SH3KBP1: variants seen among roughly 807,000 people sequenced by gnomAD.
The protein encoded by SH3KBP1 is SH3 domain-containing kinase-binding protein 1.
A neutral mutation model predicts 50.1 loss-of-function variants in SH3KBP1; 8 were observed. The ratio of observed to expected loss-of-function variants is 0.16; its 90% CI spans 0.09 to 0.29. The LOEUF (loss-of-function observed/expected upper bound fraction) is 0.29. SH3KBP1 is among the 10% of genes least tolerant of loss of function. SH3KBP1 has a pLI of 1.00. For missense variants in SH3KBP1, 377 were observed against 535.2 expected (o/e 0.70, Z 2.92); for synonymous variants, 227 against 218.6 (o/e 1.04, Z -0.34).
intron 4 of SH3KBP1, among the ~76,000 whole-genome samples, chrX:19,703,840 A>G (rs753428631): frequency 9.1e-6 from 1 of 109,656 alleles, no homozygotes; most frequent in African/African-American, 3.3e-5. Context: ...GTTATATTTT[A>G]TTAATAGATT....
chrX:19,768,852 G>A (rs2065695804), intron 2 of SH3KBP1, among the ~76,000 whole-genome samples: 1 of 108,939 alleles, frequency 9.2e-6, no homozygotes, highest in Non-Finnish European at 1.9e-5. Context: ...AGGCATTCAG[G>A]TTGAAAAGAC....
Position 19,534,969 on chromosome X carries a change from A to C in SH3KBP1, c.*1448T>G. On this transcript the variant is annotated 3_prime_UTR_variant, in exon 18 of 18. Transcript: ENST00000397821. ...ACTCTCATTCTTTGTGGCTGTGCAA[A>C]TCTATTAATGTTTAGTAGTTTCACT... 3.4e-6 allele frequency: 1 copy of C among 297,357 alleles called. No homozygotes were observed. The highest frequency in any genetic ancestry group is 5.9e-6 in the Non-Finnish European group (1 of 170,316). The allele number at this position is 297,357 out of a possible 1,213,427, so 24.5% of individuals were successfully genotyped here.
At chrX:19,724,389 T>G (rs1386209031) in intron 3 of SH3KBP1, among the ~76,000 whole-genome samples, 1 of 112,448 alleles carries the variant, frequency 8.9e-6, no homozygotes, top group African/African-American at 3.2e-5. Flanking sequence ...TATTATAAAA[T>G]TTTCTATATA....
Position 19,574,569 on chromosome X carries a change from G to A in SH3KBP1, c.1299-5381C>T, listed in dbSNP as rs755328691. Among the ~76,000 whole-genome samples, 127 of 112,448 alleles carry A rather than the reference G, an allele frequency of 1.1e-3. 1 individual carries two copies. Among genetic ancestry groups the A allele is most frequent in the African/African-American group, 3.8e-3 (116 of 30,924 alleles). On this transcript the variant is annotated intron_variant, in intron 12 of 17. Transcript: ENST00000397821. ...AGCTTCCTTCTCGCTGTGCCCTCAC[G>A]TGGTGGAAGGGAGAGGGGTTTCTTT...
intron 12 of SH3KBP1, among the ~76,000 whole-genome samples, chrX:19,587,517 T>C (rs1402072611): frequency 8.9e-6 from 1 of 112,396 alleles, no homozygotes; most frequent in Non-Finnish European, 1.9e-5. Context: ...TTAAAACTTG[T>C]CTTTAAGAGA....
intron 2 of SH3KBP1, among the ~76,000 whole-genome samples, chrX:19,782,727 G>C (rs919540927): frequency 1.8e-5 from 2 of 111,965 alleles, no homozygotes; most frequent in African/African-American, 6.5e-5. Flanking sequence ...TTTTCAGACA[G>C]ACCTCAGCTC....
chrX:19,707,706 C>G (rs1239079095), intron 3 of SH3KBP1, among the ~76,000 whole-genome samples: 1 of 112,341 alleles, frequency 8.9e-6, no homozygotes, highest in Non-Finnish European at 1.9e-5. Context: ...TCTCACTCAC[C>G]CAGCATGTCC....
chrX:19,596,990 C>T (rs2033963526), intron 9 of SH3KBP1, among the ~76,000 whole-genome samples: 1 of 111,854 alleles, frequency 8.9e-6, no homozygotes, highest in Admixed American at 9.5e-5. Context: ...TGACCTCCTC[C>T]CATGAATCAA....
intron 12 of SH3KBP1, among the ~76,000 whole-genome samples, chrX:19,572,453 T>C (rs2066066024): frequency 9.3e-6 from 1 of 107,354 alleles, no homozygotes; most frequent in Non-Finnish European, 1.9e-5. Flanking sequence ...GTACATGTTA[T>C]ATATAGTACA....
chrX:19,800,467 G>A (rs755898186), intron 2 of SH3KBP1, among the ~76,000 whole-genome samples: 1 of 111,524 alleles, frequency 9.0e-6, no homozygotes, highest in Non-Finnish European at 1.9e-5. Context: ...AGATTCCAAG[G>A]GACTAAGTTA....
intron 2 of SH3KBP1, among the ~76,000 whole-genome samples, chrX:19,824,054 A>G (rs1481014224): frequency 9.0e-6 from 1 of 111,224 alleles, no homozygotes; most frequent in Non-Finnish European, 1.9e-5. Flanking sequence ...TTCTGACCTC[A>G]AGTGATTCGC....
chrX:19,545,235 C>T (rs1056634893), intron 15 of SH3KBP1, among the ~76,000 whole-genome samples: 3 of 111,914 alleles, frequency 2.7e-5, no homozygotes, highest in Non-Finnish European at 5.6e-5. Context: ...TTCCAATTGA[C>T]TTGGTTTTCT....
In SH3KBP1 at chrX:19,870,490, A is replaced by T. The variant is rs916626164; in HGVS notation, c.4+16817T>A. On this transcript the variant is annotated intron_variant, in intron 1 of 17. Transcript: ENST00000397821. Reference sequence around the variant, plus strand: ...CCTGGGTGGCTAGGACTACAGGCATATGCCGCCATGCCTGGCTAATTTTCT... The same window carrying T: ...CCTGGGTGGCTAGGACTACAGGCATTTGCCGCCATGCCTGGCTAATTTTCT... 2.0e-4 allele frequency among the ~76,000 whole-genome samples: 22 copies of T among 111,323 alleles called. 1 individual carries two copies. The highest frequency in any genetic ancestry group is 7.2e-4 in the African/African-American group (22 of 30,580).
rs751777350 is a variant in SH3KBP1 at position 19,668,853 on chromosome X, C to CAAA, written c.726+14967_726+14969dup. 3.9e-4 allele frequency among the ~76,000 whole-genome samples: 7 copies of CAAA among 17,854 alleles called. 1 individual carries two copies. Among genetic ancestry groups the CAAA allele is most frequent in the African/African-American group, 1.3e-3 (7 of 5,299 alleles). The allele number at this position is 17,854 out of a possible 115,157, so 15.5% of individuals were successfully genotyped here. ...TGGGCGACAGGGTGAGACTGTGTCT[C>CAAA]AAAAAAAAAAAAAAAAAAAAGTCTG... On this transcript the variant is annotated intron_variant, in intron 6 of 17. Transcript: ENST00000397821.
chrX:19,691,965 T>C (rs929877179), intron 5 of SH3KBP1, among the ~76,000 whole-genome samples: 2 of 111,863 alleles, frequency 1.8e-5, no homozygotes, highest in African/African-American at 6.5e-5. Context: ...TGAAGCTGAG[T>C]GATAGGTACA....
At chrX:19,551,044 G>T (rs2065224235) in intron 13 of SH3KBP1, among the ~76,000 whole-genome samples, 1 of 111,672 alleles carries the variant, frequency 9.0e-6, no homozygotes, top group South Asian at 3.7e-4. Flanking sequence ...TTTTGCTGAT[G>T]GTTATAATAA....
intron 12 of SH3KBP1, among the ~76,000 whole-genome samples, chrX:19,577,566 T>C (rs1255800299): frequency 9.0e-6 from 1 of 111,317 alleles, no homozygotes; most frequent in African/African-American, 3.3e-5. Flanking sequence ...ATGTGGAAGA[T>C]GCACCATGTG....
At chrX:19,782,172 G>A (rs770289460) in intron 2 of SH3KBP1, among the ~76,000 whole-genome samples, 6 of 111,287 alleles carry the variant, frequency 5.4e-5, no homozygotes, top group Non-Finnish European at 9.4e-5. Context: ...GTCCTCATAT[G>A]AGACACACAG....
intron 13 of SH3KBP1, among the ~76,000 whole-genome samples, chrX:19,550,291 T>C (rs2065202215): frequency 8.9e-6 from 1 of 111,876 alleles, no homozygotes; most frequent in African/African-American, 3.3e-5. Flanking sequence ...TAACAAGCTA[T>C]TGCATGGAAG....
Sources: gnomAD v4.1 joint callset for allele counts (sites outside exome capture counted in the v4.1 genomes callset) on GRCh38, gnomAD v4.1.1 for gene constraint, MANE v1.5 for transcripts, NCBI Gene and HGNC (gene_info 2026-07-23, HGNC 2026-07-21) for gene names.